SMYD3: variants seen among roughly 807,000 people sequenced by gnomAD.
SMYD3 encodes SET and MYND domain containing 3.
Under a neutral mutation model 57.7 loss-of-function variants are expected in SMYD3, and 36 were observed. The observed-to-expected ratio is 0.62, with a 90% CI of 0.48 to 0.82. The LOEUF (loss-of-function observed/expected upper bound fraction) is 0.82. Among genes scored for constraint, SMYD3 ranks in the 40% least tolerant of loss-of-function variants. The pLI is 0.00. For synonymous variants in SMYD3, 211 were observed against 195.0 expected (o/e 1.08, Z -0.68); for missense variants, 515 against 538.8 (o/e 0.96, Z 0.44).
At chr1:245,988,531 G>A (rs976897840) in intron 5 of SMYD3, 2 of 152,262 alleles carry the variant, frequency 1.3e-5, no homozygotes, top group Admixed American at 6.5e-5. Context: ...TCTGTAGCGA[G>A]CCTCTGCATG....
At chr1:245,947,363 CAGAAT>C in intron 5 of SMYD3, 1 of 457,084 alleles carries the variant, frequency 2.2e-6, no homozygotes, top group East Asian at 6.9e-5. Context: ...CAACCAGAGA[CAGAAT>C]AGAAAAGTAA....
intron 5 of SMYD3, among the ~76,000 whole-genome samples, chr1:246,124,982 G>A (rs2061484205): frequency 6.6e-6 from 1 of 151,358 alleles, no homozygotes; most frequent in Non-Finnish European, 1.5e-5. Flanking sequence ...TGAGGCAGGA[G>A]AATGGTGTGA....
intron 5 of SMYD3, among the ~76,000 whole-genome samples, chr1:246,001,478 T>C (rs947367372): frequency 2.0e-5 from 3 of 152,070 alleles, no homozygotes; most frequent in African/African-American, 4.8e-5. Flanking sequence ...CTGGAAACCA[T>C]GGGGTATGTG....
At chr1:245,895,723 G>A (rs2053732435) in intron 8 of SMYD3, among the ~76,000 whole-genome samples, 1 of 152,186 alleles carries the variant, frequency 6.6e-6, no homozygotes, top group African/African-American at 2.4e-5. Flanking sequence ...ACAGGGCATA[G>A]CCCAGGTGAT....
chr1:245,781,134 G>T (rs769344407), intron 10 of SMYD3, among the ~76,000 whole-genome samples: 9 of 152,142 alleles, frequency 5.9e-5, no homozygotes, highest in Non-Finnish European at 1.2e-4. Context: ...AAACTTTGGA[G>T]ATACTAGAAA....
intron 5 of SMYD3, among the ~76,000 whole-genome samples, chr1:246,318,368 G>A (rs1572373946): frequency 1.3e-5 from 2 of 152,210 alleles, no homozygotes; most frequent in East Asian, 1.9e-4. Flanking sequence ...GCAAGATCCT[G>A]TCTTTAAAAA....
At chr1:246,258,958 G>A (rs1168143786) in intron 5 of SMYD3, among the ~76,000 whole-genome samples, 2 of 152,082 alleles carry the variant, frequency 1.3e-5, no homozygotes, top group Admixed American at 6.5e-5. Flanking sequence ...TAATTCAAAA[G>A]ACTGATCTTC....
intron 1 of SMYD3, among the ~76,000 whole-genome samples, chr1:246,412,250 C>T (rs916559132): frequency 6.6e-5 from 10 of 152,160 alleles, no homozygotes; most frequent in Non-Finnish European, 8.8e-5. Flanking sequence ...CTGGTGTTGC[C>T]GATGCTAATC....
At chr1:246,505,466 T>C (rs1260598183) in intron 1 of SMYD3, among the ~76,000 whole-genome samples, 1 of 149,532 alleles carries the variant, frequency 6.7e-6, no homozygotes, top group East Asian at 1.9e-4. Flanking sequence ...CCAGTGTCTA[T>C]GGTGTTCGTG....
intron 10 of SMYD3, among the ~76,000 whole-genome samples, chr1:245,830,695 GA>G (rs1474426158): frequency 2.0e-5 from 3 of 152,166 alleles, no homozygotes; most frequent in African/African-American, 7.2e-5. Context: ...AAAGCTTAGC[GA>G]TAACAGATTT....
intron 10 of SMYD3, among the ~76,000 whole-genome samples, chr1:245,810,613 T>C (rs2048407605): frequency 6.6e-6 from 1 of 152,178 alleles, no homozygotes; most frequent in African/African-American, 2.4e-5. Context: ...ATCATCCCTC[T>C]GACCTGCGCT....
At chr1:246,043,296 G>A (rs1454856725) in intron 5 of SMYD3, among the ~76,000 whole-genome samples, 2 of 152,180 alleles carry the variant, frequency 1.3e-5, no homozygotes, top group Non-Finnish European at 1.5e-5. Context: ...AATATTTACT[G>A]AGCACACAGT....
At chr1:245,864,611 T>C (rs1472260852) in intron 8 of SMYD3, among the ~76,000 whole-genome samples, 1 of 151,740 alleles carries the variant, frequency 6.6e-6, no homozygotes, top group African/African-American at 2.4e-5. Context: ...GCTAAGAGGA[T>C]TGGAGGGAAC....
chr1:246,179,661 T>A (rs1288229242), intron 5 of SMYD3, among the ~76,000 whole-genome samples: 1 of 152,208 alleles, frequency 6.6e-6, no homozygotes, highest in East Asian at 1.9e-4. Context: ...CCACTTCTCC[T>A]AGAAGAAGCC....
chr1:245,847,924 A>C (rs1167265814), intron 10 of SMYD3, among the ~76,000 whole-genome samples: 1 of 152,202 alleles, frequency 6.6e-6, no homozygotes, highest in Non-Finnish European at 1.5e-5. Flanking sequence ...CACACTGGTC[A>C]ACACAAACAA....
intron 5 of SMYD3, among the ~76,000 whole-genome samples, chr1:246,278,885 C>G: frequency 6.6e-6 from 1 of 151,948 alleles, no homozygotes; most frequent in East Asian, 1.9e-4. Flanking sequence ...AACAATACAC[C>G]CAATAAAGTC....
chr1:245,916,796 G>C (rs2055459848), intron 7 of SMYD3, among the ~76,000 whole-genome samples: 1 of 152,076 alleles, frequency 6.6e-6, no homozygotes, highest in South Asian at 2.1e-4. Context: ...AAATATGTCA[G>C]ATGACATGTT....
At chr1:246,037,299 G>C (rs1488348469) in intron 5 of SMYD3, among the ~76,000 whole-genome samples, 1 of 152,086 alleles carries the variant, frequency 6.6e-6, no homozygotes, top group Non-Finnish European at 1.5e-5. Flanking sequence ...ACATTCTGCT[G>C]TTTGCCAATC....
At chr1:245,871,747 G>A (rs1472505717) in intron 8 of SMYD3, among the ~76,000 whole-genome samples, 2 of 152,130 alleles carry the variant, frequency 1.3e-5, no homozygotes, top group Non-Finnish European at 2.9e-5. Context: ...ATTCTCTAAG[G>A]AGATGCACCT....
Sources: allele counts gnomAD v4.1 joint callset (sites outside exome capture counted in the v4.1 genomes callset), GRCh38; gene constraint gnomAD v4.1.1; transcripts MANE v1.5; gene names NCBI Gene and HGNC (gene_info 2026-07-23, HGNC 2026-07-21).